MBD2: variants seen among roughly 807,000 people sequenced by gnomAD.
MBD2 encodes the protein methyl-CpG-binding domain protein 2.
In MBD2, 9 loss-of-function variants were observed where a neutral mutation model predicts 39.3. The observed-to-expected ratio is 0.23, with a 90% confidence interval of 0.14 to 0.40. The LOEUF (loss-of-function observed/expected upper bound fraction) is 0.40, where lower values mean the gene tolerates loss of function less well. MBD2 is among the 10% of genes least tolerant of loss of function. The pLI is 1.00. For synonymous variants in MBD2, 233 were observed against 211.1 expected, an observed-to-expected ratio of 1.10 and a Z score of -0.90; for missense variants, 458 against 532.6, an observed-to-expected ratio of 0.86 and a Z score of 1.38.
In MBD2 at chr18:54,224,296, C is replaced by A; in HGVS notation, c.264G>T (p.Arg88=). 3 of 947,246 alleles carry A rather than the reference C, an allele frequency of 3.2e-6. No homozygotes were observed. The highest frequency in any genetic ancestry group is 3.8e-6 in the Non-Finnish European group (3 of 796,702). 58.7% of individuals were successfully genotyped at this position (947,246 alleles called of 1,614,324 possible). A position where few individuals can be genotyped will look rare whatever the true frequency, so the allele number is the denominator to read the frequency against. ...GACGGCCGCGGCCCCGGCCCCGGCC[C>A]CGTCCCCGTCCCCGGCCACGGCCCC... ...RGRGRGRGRG[R]GRGRGRGRPP... Residue 88 remains arginine (R), a synonymous_variant, in exon 1 of 7, where the codon CGG becomes CGT. Transcript: ENST00000256429.
chr18:54,189,220 A>G (rs956301845), intron 2 of MBD2, among the ~76,000 whole-genome samples: 12 of 144,500 alleles, frequency 8.3e-5, no homozygotes, highest in African/African-American at 3.0e-4. Context: ...AACTTTTTGT[A>G]TACTTTTTTT....
intron 3 of MBD2, chr18:54,187,837 C>T: frequency 2.0e-6 from 2 of 985,670 alleles, no homozygotes; most frequent in Non-Finnish European, 2.4e-6. Context: ...TCCTGGCTCA[C>T]CTGAAGAGGA....
chr18:54,214,501 T>C (rs2086538837), intron 1 of MBD2, among the ~76,000 whole-genome samples: 1 of 151,986 alleles, frequency 6.6e-6, no homozygotes, highest in South Asian at 2.1e-4. Flanking sequence ...ACCTGACCTA[T>C]GCATAATATT....
chr18:54,159,830 C>T lies in MBD2; in HGVS notation c.1183G>A (p.Ala395Thr). 6.2e-7 allele frequency: 1 copy of T among 1,612,760 alleles called. No homozygotes were observed. ...EALMADILSR[A>T]ADTEEMDIEM... is the part of the protein sequence containing the mutation. ...ATATCCATCTCTTCTGTATCAGCAG[C>T]TCGCGACAAGATGTCTGCCATCAGT... is the stretch of plus-strand genomic sequence containing the variant. The change falls in exon 6 of 7, where the codon GCT becomes ACT. Residue 395 changes from alanine to threonine, a missense_variant. Ala to Thr is a moderately conservative substitution (Grantham distance 58). This residue lies in a region of MBD2 where 189 missense variants were observed against 296.6 expected (regional missense o/e 0.64). Transcript: ENST00000256429.
intron 2 of MBD2, among the ~76,000 whole-genome samples, chr18:54,197,792 CTCACT>C: frequency 6.6e-6 from 1 of 152,166 alleles, no homozygotes; most frequent in Non-Finnish European, 1.5e-5. Flanking sequence ...CTACTTGCTC[CTCACT>C]TCTACTTTTG....
At chr18:54,218,536 G>A (rs749358885) in intron 1 of MBD2, among the ~76,000 whole-genome samples, 3 of 152,210 alleles carry the variant, frequency 2.0e-5, no homozygotes, top group Non-Finnish European at 2.9e-5. Context: ...TAGGAGTTCT[G>A]AGGTTAAACC....
intron 2 of MBD2, among the ~76,000 whole-genome samples, chr18:54,198,236 G>A (rs936541749): frequency 6.6e-6 from 1 of 152,182 alleles, no homozygotes; most frequent in Admixed American, 6.5e-5. Flanking sequence ...AACCCAGTAA[G>A]GCATTACTTC....
At position 54,155,079 on chromosome 18, in the gene MBD2, G is replaced by A. The variant is rs1332670889; in HGVS notation, c.*245C>T. ...CATCAAAAGCTCAGCTTCATCTTAG[G>A]GTCCTGCTTGATATTACAAAAGACT... On this transcript the variant is annotated 3_prime_UTR_variant, in exon 7 of 7. Transcript: ENST00000256429. The A allele has an allele frequency of 6.6e-6, 1 of 152,342 alleles. No individual in the cohort carries two copies. The highest frequency in any genetic ancestry group is 1.5e-5 in the Non-Finnish European group (1 of 67,990). The allele number at this position is 152,342 out of a possible 1,614,324, so 9.4% of individuals were successfully genotyped here. A position where few individuals can be genotyped will look rare whatever the true frequency, so the allele number is the denominator to read the frequency against.
At chr18:54,207,536 A>G (rs1406256551) in intron 1 of MBD2, among the ~76,000 whole-genome samples, 1 of 152,248 alleles carries the variant, frequency 6.6e-6, no homozygotes. Context: ...TTATCAGTTC[A>G]ATACTAAAGG....
chr18:54,192,175 C>T (rs1192608817), intron 2 of MBD2, among the ~76,000 whole-genome samples: 1 of 152,230 alleles, frequency 6.6e-6, no homozygotes, highest in African/African-American at 2.4e-5. Context: ...TTACAGGGAA[C>T]TTCTTGTCAC....
At chr18:54,202,326 TCAAAA>T (rs988059233) in intron 2 of MBD2, among the ~76,000 whole-genome samples, 2 of 152,100 alleles carry the variant, frequency 1.3e-5, no homozygotes, top group African/African-American at 2.4e-5. Context: ...AGACTCTGTC[TCAAAA>T]CAAAACAAAA....
chr18:54,158,694 T>A (rs2086072046), intron 6 of MBD2, among the ~76,000 whole-genome samples: 6 of 152,208 alleles, frequency 3.9e-5, no homozygotes, highest in Admixed American at 3.9e-4. Flanking sequence ...CAATCTCGGC[T>A]CACTGCAACC....
intron 1 of MBD2, among the ~76,000 whole-genome samples, chr18:54,212,220 A>T (rs2086513903): frequency 6.6e-6 from 1 of 152,110 alleles, no homozygotes; most frequent in South Asian, 2.1e-4. Context: ...TCCATAATGC[A>T]TGATGCTACC....
intron 5 of MBD2, among the ~76,000 whole-genome samples, chr18:54,161,233 G>A (rs1398305170): frequency 6.6e-6 from 1 of 152,114 alleles, no homozygotes; most frequent in African/African-American, 2.4e-5. Context: ...AAAAACTTTG[G>A]ATATCTTTAT....
intron 1 of MBD2, among the ~76,000 whole-genome samples, chr18:54,222,909 T>C (rs947926986): frequency 5.9e-5 from 9 of 152,250 alleles, no homozygotes; most frequent in African/African-American, 2.4e-5. Flanking sequence ...TTCATAAGCA[T>C]GGTATGTGTA....
intron 2 of MBD2, among the ~76,000 whole-genome samples, chr18:54,192,830 AT>A (rs1312476006): frequency 2.0e-5 from 3 of 148,128 alleles, no homozygotes; most frequent in African/African-American, 5.0e-5. Flanking sequence ...ATAAAAAAAA[AT>A]TAAAAGAAAA....
chr18:54,198,377 G>C (rs1238750271), intron 2 of MBD2, among the ~76,000 whole-genome samples: 1 of 152,218 alleles, frequency 6.6e-6, no homozygotes, highest in Non-Finnish European at 1.5e-5. Flanking sequence ...TTATTTTTCA[G>C]TTATAGATTC....
Position 54,224,621 on chromosome 18 carries a change from A to ACCCGC in MBD2, c.-67_-63dup, listed in dbSNP as rs2086647772. The ACCCGC allele has an allele frequency of 8.6e-7, 1 of 1,161,872 alleles. No homozygotes were observed. Among genetic ancestry groups the ACCCGC allele is most frequent in the Non-Finnish European group, 1.1e-6 (1 of 926,232 alleles). 72.0% of individuals were successfully genotyped at this position (1,161,872 alleles called of 1,614,324 possible). On this transcript the variant is annotated 5_prime_UTR_variant, in exon 1 of 7. Coordinates refer to ENST00000256429, the MANE Select transcript of MBD2 (RefSeq NM_003927.5). ...TAACCGAGCCCTTGGAATCCCGGAG[A>ACCCGC]CCCGCCCCGCCCGCAGCGCGGCGCG...
chr18:54,224,140 T>C lies in MBD2; in HGVS notation c.420A>G (p.Gly140=), dbSNP rs2086638717. 5 of 1,531,784 alleles carry C rather than the reference T, an allele frequency of 3.3e-6. No individual in the cohort carries two copies. The highest frequency in any genetic ancestry group is 4.4e-6 in the Non-Finnish European group (5 of 1,144,696). The allele number at this position is 1,531,784 out of a possible 1,614,324, so 94.9% of individuals were successfully genotyped here. A position where few individuals can be genotyped will look rare whatever the true frequency, so the allele number is the denominator to read the frequency against. Residue 140 remains glycine, a synonymous_variant, in exon 1 of 7, where the codon GGA becomes GGG. Coordinates refer to ENST00000256429, the MANE Select transcript of MBD2 (RefSeq NM_003927.5). Reference sequence around the variant, plus strand: ...TCTTCCCGCTCTCCGTGGCCCGGGGTCCCCTGGGCCCCGGCCCCGCGCTCC... The same window carrying C: ...TCTTCCCGCTCTCCGTGGCCCGGGGCCCCCTGGGCCCCGGCCCCGCGCTCC... The part of the protein sequence containing the change: ...PSGSAGPGPR[G]PRATESGKRM...
Sources: allele counts gnomAD v4.1 joint callset (sites outside exome capture counted in the v4.1 genomes callset), GRCh38; gene constraint gnomAD v4.1.1; regional missense constraint gnomAD v4.1.1; transcripts MANE v1.5; gene names NCBI Gene and HGNC (gene_info 2026-07-23, HGNC 2026-07-21).